The following SORCS1 variants were observed in gnomAD, a reference collection of about 807,000 sequenced individuals.
SORCS1 encodes the protein sortilin related VPS10 domain containing receptor 1.
SORCS1 carries 60 observed loss-of-function variants against 146.1 expected under a neutral mutation model. The ratio of observed to expected loss-of-function variants is 0.41; its 90% confidence interval spans 0.33 to 0.51. The LOEUF is 0.51. Among genes scored for constraint, SORCS1 ranks in the 20% least tolerant of loss-of-function variants. The pLI is 0.21. For synonymous variants in SORCS1, 637 were observed against 584.0 expected (o/e 1.09, Z -1.31); for missense variants, 1,352 against 1,487.6 (o/e 0.91, Z 1.50).
intron 6 of SORCS1, among the ~76,000 whole-genome samples, chr10:106,711,449 T>C (rs529701263): frequency 1.3e-5 from 2 of 152,312 alleles, no homozygotes; most frequent in Admixed American, 1.3e-4. Context: ...GGCGGAATTG[T>C]CCAGGACCAC....
At chr10:106,647,755 G>A (rs182067869) in intron 18 of SORCS1, among the ~76,000 whole-genome samples, 44 of 152,280 alleles carry the variant, frequency 2.9e-4, no homozygotes, top group Admixed American at 2.9e-3. Flanking sequence ...TTTTCACAAT[G>A]TTGGTTTAGA....
chr10:106,995,966 C>T (rs1383564736), intron 1 of SORCS1, among the ~76,000 whole-genome samples: 1 of 152,058 alleles, frequency 6.6e-6, no homozygotes, highest in African/African-American at 2.4e-5. Flanking sequence ...CGGTGGCTCA[C>T]ACCTGTAATC....
At chr10:107,003,822 G>C (rs567521657) in intron 1 of SORCS1, among the ~76,000 whole-genome samples, 1 of 152,158 alleles carries the variant, frequency 6.6e-6, no homozygotes, top group East Asian at 1.9e-4. Flanking sequence ...AAGAAGGAAG[G>C]GGGCAGGGAA....
At chr10:106,864,244 G>A (rs546988145) in intron 2 of SORCS1, among the ~76,000 whole-genome samples, 7 of 152,258 alleles carry the variant, frequency 4.6e-5, no homozygotes, top group Middle Eastern at 6.8e-3. Context: ...CTCAGTCCAC[G>A]GAGAACAGAG....
Position 107,127,516 on chromosome 10 carries a change from C to T in SORCS1, c.558+36453G>A, listed in dbSNP as rs562688614. Among the ~76,000 whole-genome samples, 3 of 152,176 alleles carry T rather than the reference C, an allele frequency of 2.0e-5. No individual in the cohort carries two copies. The South Asian group carries it at 6.2e-4, about 32-fold the overall frequency. ...ATCTTCCCCACAGGCATAACTTTGTCTATGATTTGGTTAATTCTTAGGACA... is the reference window on the plus strand; with the variant it reads ...ATCTTCCCCACAGGCATAACTTTGTTTATGATTTGGTTAATTCTTAGGACA... On this transcript the variant is annotated intron_variant, in intron 1 of 25. Coordinates refer to ENST00000263054, the MANE Select transcript of SORCS1 (RefSeq NM_052918.5).
chr10:106,662,233 G>A (rs1850785174), intron 17 of SORCS1, among the ~76,000 whole-genome samples: 1 of 152,120 alleles, frequency 6.6e-6, no homozygotes, highest in Non-Finnish European at 1.5e-5. Context: ...TGGAGAAGCA[G>A]GTAAACCTGA....
chr10:106,718,851 G>A (rs183068718), intron 6 of SORCS1, among the ~76,000 whole-genome samples: 2 of 152,252 alleles, frequency 1.3e-5, no homozygotes, highest in African/African-American at 2.4e-5. Context: ...GACACAGACC[G>A]CTGATGGGTG....
chr10:106,912,379 T>C (rs961565884), intron 2 of SORCS1, among the ~76,000 whole-genome samples: 2 of 152,080 alleles, frequency 1.3e-5, no homozygotes, highest in African/African-American at 2.4e-5. Context: ...TACGAGATGA[T>C]CCTTTTATTT....
intron 1 of SORCS1, among the ~76,000 whole-genome samples, chr10:107,085,401 G>A (rs550084178): frequency 1.4e-4 from 21 of 152,310 alleles, no homozygotes; most frequent in South Asian, 8.3e-4. Flanking sequence ...AAAATGGTTA[G>A]TTTTATGCAA....
intron 3 of SORCS1, among the ~76,000 whole-genome samples, chr10:106,783,877 A>G (rs2136439407): frequency 1.3e-5 from 2 of 152,334 alleles, no homozygotes; most frequent in South Asian, 4.1e-4. Context: ...TTGGTGGAGA[A>G]ACATTTTCCC....
At chr10:106,841,700 T>C (rs1278018326) in intron 2 of SORCS1, among the ~76,000 whole-genome samples, 1 of 152,194 alleles carries the variant, frequency 6.6e-6, no homozygotes, top group Non-Finnish European at 1.5e-5. Context: ...CCTGTTCAGA[T>C]TGGCTTCTTT....
intron 2 of SORCS1, among the ~76,000 whole-genome samples, chr10:106,883,742 G>A (rs1329262296): frequency 6.6e-6 from 1 of 152,164 alleles, no homozygotes; most frequent in East Asian, 1.9e-4. Flanking sequence ...GGTCTTGGTT[G>A]TATATCTATT....
rs113933619 is a variant in SORCS1, at chr10:106,599,259, T to C, written c.3166-1809A>G. ...GTGCACACCTGTACTCCCAGTTACT[T>C]GGGAGGCTGAGGCCAGAAAAATCAC... On this transcript the variant is annotated intron_variant, in intron 23 of 25. Coordinates refer to ENST00000263054, the MANE Select transcript of SORCS1 (RefSeq NM_052918.5). Among the ~76,000 whole-genome samples the C allele has an allele frequency of 2.9e-3, 435 of 151,788 alleles. 3 individuals are homozygous for C. Among genetic ancestry groups the C allele is most frequent in the African/African-American group, 9.8e-3 (407 of 41,342 alleles).
At chr10:107,000,521 C>T (rs1012246491) in intron 1 of SORCS1, among the ~76,000 whole-genome samples, 7 of 151,524 alleles carry the variant, frequency 4.6e-5, no homozygotes, top group Admixed American at 2.0e-4. Context: ...GCAGGGGAAT[C>T]GCTTGAACCT....
intron 1 of SORCS1, among the ~76,000 whole-genome samples, chr10:107,151,854 G>A (rs991590996): frequency 2.6e-5 from 4 of 152,208 alleles, no homozygotes; most frequent in African/African-American, 9.6e-5. Context: ...TCTGGGGGGA[G>A]AAATTCAAGC....
intron 2 of SORCS1, among the ~76,000 whole-genome samples, chr10:106,909,644 C>A (rs1371891019): frequency 1.3e-5 from 2 of 152,178 alleles, no homozygotes; most frequent in African/African-American, 4.8e-5. Context: ...AGCTTAAAAT[C>A]CCTTTATCCC....
chr10:107,167,307 G>A (rs573874732), upstream of SORCS1, among the ~76,000 whole-genome samples: 15 of 152,298 alleles, frequency 9.8e-5, no homozygotes, highest in African/African-American at 3.4e-4. Context: ...ATGGAGGGGA[G>A]TCTATTTCAA....
chr10:106,949,068 A>C (rs1954529251), intron 2 of SORCS1, among the ~76,000 whole-genome samples: 1 of 152,190 alleles, frequency 6.6e-6, no homozygotes, highest in African/African-American at 2.4e-5. Flanking sequence ...TAGAATCCAA[A>C]AAGCCACAAT....
At chr10:107,072,743 A>C (rs1056363598) in intron 1 of SORCS1, among the ~76,000 whole-genome samples, 1 of 132,046 alleles carries the variant, frequency 7.6e-6, no homozygotes, top group Non-Finnish European at 1.6e-5. Context: ...AAAATAAATT[A>C]AAAAAGAAAA....
Sources: gnomAD v4.1 joint callset for allele counts (sites outside exome capture counted in the v4.1 genomes callset) on GRCh38, gnomAD v4.1.1 for gene constraint, MANE v1.5 for transcripts, NCBI Gene and HGNC (gene_info 2026-07-23, HGNC 2026-07-21) for gene names.